The following ZNF236 variants were observed in gnomAD, a reference collection of about 807,000 sequenced individuals.
ZNF236 encodes regulated by glucose.
Under a neutral mutation model 191.2 loss-of-function variants are expected in ZNF236, and 50 were observed. The ratio of observed to expected loss-of-function variants is 0.26; its 90% CI spans 0.21 to 0.33. The LOEUF (loss-of-function observed/expected upper bound fraction) is 0.33, where lower values mean the gene tolerates loss of function less well. ZNF236 is among the 10% of genes least tolerant of loss of function. The pLI is 1.00. For synonymous variants in ZNF236, 907 were observed against 928.8 expected (o/e 0.98, Z 0.43); for missense variants, 1,754 against 2,374.5 (o/e 0.74, Z 5.43).
intron 25 of ZNF236, among the ~76,000 whole-genome samples, chr18:76,931,678 A>C (rs1454610284): frequency 6.6e-6 from 1 of 152,234 alleles, no homozygotes; most frequent in Non-Finnish European, 1.5e-5. Flanking sequence ...AAAGCATAGA[A>C]TTTTATGAAA....
intron 28 of ZNF236, among the ~76,000 whole-genome samples, chr18:76,956,424 G>C (rs758410062): frequency 4.6e-5 from 7 of 152,200 alleles, no homozygotes; most frequent in Non-Finnish European, 1.0e-4. Flanking sequence ...AAATAACATT[G>C]AAATGCCCTC....
At chr18:76,924,179 T>C (rs899520174) in intron 21 of ZNF236, among the ~76,000 whole-genome samples, 2 of 152,180 alleles carry the variant, frequency 1.3e-5, no homozygotes, top group African/African-American at 2.4e-5. Flanking sequence ...TTTATCTCTT[T>C]TGTGTAATGC....
At chr18:76,950,353 A>G (rs1297055970) in intron 27 of ZNF236, among the ~76,000 whole-genome samples, 14 of 152,220 alleles carry the variant, frequency 9.2e-5, no homozygotes, top group Non-Finnish European at 1.5e-5. Flanking sequence ...TGTTCACCGC[A>G]TCATCACCAG....
chr18:76,921,822 A>G (rs1232301446), intron 20 of ZNF236, among the ~76,000 whole-genome samples: 3 of 140,748 alleles, frequency 2.1e-5, no homozygotes, highest in Non-Finnish European at 3.0e-5. Context: ...GCTCAGTGCA[A>G]ACTCCGAGAA....
chr18:76,834,506 G>T (rs936886514), intron 1 of ZNF236: 9 of 458,898 alleles, frequency 2.0e-5, no homozygotes, highest in South Asian at 1.7e-4. Context: ...TTGGCTTTCC[G>T]TTCAAGGAGC....
chr18:76,920,493 G>A (rs1029365875), intron 20 of ZNF236, among the ~76,000 whole-genome samples: 3 of 150,738 alleles, frequency 2.0e-5, no homozygotes, highest in African/African-American at 7.3e-5. Flanking sequence ...GGAGGTTATG[G>A]TGAGCTGAGA....
At chr18:76,825,568 TCGAGA>T (rs1270374764) in intron 1 of ZNF236, among the ~76,000 whole-genome samples, 1 of 152,080 alleles carries the variant, frequency 6.6e-6, no homozygotes, top group Admixed American at 6.6e-5. Context: ...CTTCTGTTAA[TCGAGA>T]CATTACAAAG....
At chr18:76,823,064 C>A (rs1974907830) in intron 1 of ZNF236, among the ~76,000 whole-genome samples, 1 of 150,004 alleles carries the variant, frequency 6.7e-6, no homozygotes, top group Non-Finnish European at 1.5e-5. Context: ...GCTGGGGAGG[C>A]GGCCTGGCCA....
chr18:76,963,609 T>C (rs1264227618), intron 30 of ZNF236, among the ~76,000 whole-genome samples: 1 of 152,142 alleles, frequency 6.6e-6, no homozygotes, highest in Non-Finnish European at 1.5e-5. Flanking sequence ...GGGAGGGTTC[T>C]CTTTTTCTCT....
intron 1 of ZNF236, among the ~76,000 whole-genome samples, chr18:76,836,643 T>C (rs1975335094): frequency 6.6e-6 from 1 of 151,942 alleles, no homozygotes; most frequent in Non-Finnish European, 1.5e-5. Context: ...AGTGGTGCGA[T>C]CTCGGCTCAC....
At chr18:76,959,664 G>T in intron 28 of ZNF236, 23 bp from the exon 29 acceptor site, 1 of 1,581,384 alleles carries the variant, frequency 6.3e-7, no homozygotes, top group South Asian at 1.2e-5. Context: ...CTTGTTTCTT[G>T]GTTTCTGTGT....
At chr18:76,876,498 GTC>G (rs1452392855) in intron 6 of ZNF236, among the ~76,000 whole-genome samples, 1 of 152,134 alleles carries the variant, frequency 6.6e-6, no homozygotes, top group African/African-American at 2.4e-5. Flanking sequence ...AGTAGAAGCT[GTC>G]TTTGATCTTA....
At chr18:76,876,576 G>A (rs561237750) in intron 6 of ZNF236, among the ~76,000 whole-genome samples, 1 of 152,254 alleles carries the variant, frequency 6.6e-6, no homozygotes, top group East Asian at 1.9e-4. Flanking sequence ...CACATCTCAC[G>A]TAGTTTTATG....
intron 1 of ZNF236, among the ~76,000 whole-genome samples, chr18:76,843,225 A>G (rs1011532906): frequency 3.3e-5 from 5 of 152,146 alleles, no homozygotes; most frequent in Non-Finnish European, 7.4e-5. Context: ...AAATGTGGGA[A>G]TCAGATAAAC....
chr18:76,826,071 G>A (rs757913383), intron 1 of ZNF236, among the ~76,000 whole-genome samples: 1 of 152,118 alleles, frequency 6.6e-6, no homozygotes, highest in Admixed American at 6.6e-5. Context: ...TGCAAGGGAT[G>A]TAGGGATTTT....
intron 11 of ZNF236, among the ~76,000 whole-genome samples, chr18:76,900,934 T>C (rs1428738683): frequency 6.6e-6 from 1 of 152,172 alleles, no homozygotes; most frequent in Admixed American, 6.5e-5. Flanking sequence ...AATCAGACAT[T>C]AGATTCTCGG....
intron 27 of ZNF236, among the ~76,000 whole-genome samples, chr18:76,953,433 C>G (rs1227636256): frequency 3.3e-5 from 5 of 152,226 alleles, no homozygotes; most frequent in African/African-American, 1.2e-4. Context: ...GCCCTTCCCA[C>G]AGCCTGTGAG....
chr18:76,951,934 C>T (rs575857710), intron 27 of ZNF236, among the ~76,000 whole-genome samples: 2 of 152,246 alleles, frequency 1.3e-5, no homozygotes, highest in East Asian at 3.9e-4. Context: ...GTGGGATGGC[C>T]AGTTGGTGAA....
chr18:76,910,635 A>G, intron 15 of ZNF236, 25 bp from the exon 16 acceptor site: 1 of 1,598,556 alleles, frequency 6.3e-7, no homozygotes, highest in Non-Finnish European at 8.5e-7. Flanking sequence ...TTTTTGTAGA[A>G]CTCCTCTTTT....
Sources: allele counts gnomAD v4.1 joint callset (sites outside exome capture counted in the v4.1 genomes callset), GRCh38; gene constraint gnomAD v4.1.1; transcripts MANE v1.5; gene names NCBI Gene and HGNC (gene_info 2026-07-23, HGNC 2026-07-21).